The following PDE11A variants were observed in gnomAD, a reference collection of about 807,000 sequenced individuals.
PDE11A encodes phosphodiesterase 11A.
In PDE11A, 100 loss-of-function variants were observed where a neutral mutation model predicts 100.5. The observed-to-expected ratio is 1.00, with a 90% CI of 0.85 to 1.18. PDE11A has a LOEUF of 1.18. Ranked by LOEUF, PDE11A falls within the 50% of genes most tolerant of loss-of-function variation. PDE11A has a pLI of 0.00. For missense variants in PDE11A, 1,141 were observed against 1,152.6 expected, an observed-to-expected ratio of 0.99 and a Z score of 0.15; for synonymous variants, 381 against 420.8, an observed-to-expected ratio of 0.91 and a Z score of 1.16.
chr2:178,070,894 T>G (rs2087118130), intron 1 of PDE11A, among the ~76,000 whole-genome samples: 1 of 152,334 alleles, frequency 6.6e-6, no homozygotes, highest in South Asian at 2.1e-4. Context: ...CTGTCCAATC[T>G]TTCTAATCTT....
intron 10 of PDE11A, among the ~76,000 whole-genome samples, chr2:177,765,417 C>T (rs185323158): frequency 6.6e-6 from 1 of 152,298 alleles, no homozygotes; most frequent in Non-Finnish European, 1.5e-5. Context: ...TCACATTCTC[C>T]AATAGTACAG....
At chr2:177,864,586 A>G (rs1281785520) in intron 5 of PDE11A, among the ~76,000 whole-genome samples, 1 of 152,200 alleles carries the variant, frequency 6.6e-6, no homozygotes, top group Non-Finnish European at 1.5e-5. Flanking sequence ...AGTTTCAAAG[A>G]AAATAAAATT....
intron 5 of PDE11A, among the ~76,000 whole-genome samples, chr2:177,853,676 A>G (rs1217995691): frequency 2.9e-3 from 105 of 36,108 alleles, no homozygotes; most frequent in African/African-American, 5.1e-3. Flanking sequence ...ATATATATAT[A>G]TATATGTGTG....
chr2:177,706,080 G>A (rs1267017080), intron 13 of PDE11A, among the ~76,000 whole-genome samples: 2 of 152,114 alleles, frequency 1.3e-5, no homozygotes, highest in Non-Finnish European at 2.9e-5. Context: ...TTCATTGTAT[G>A]CACTCCAATA....
intron 9 of PDE11A, among the ~76,000 whole-genome samples, chr2:177,770,234 A>G (rs2082293754): frequency 6.6e-6 from 1 of 152,230 alleles, no homozygotes; most frequent in Non-Finnish European, 1.5e-5. Context: ...AACAGCAATC[A>G]CATAGTTCTG....
At chr2:178,052,909 A>C (rs977854528) in intron 1 of PDE11A, among the ~76,000 whole-genome samples, 1 of 152,214 alleles carries the variant, frequency 6.6e-6, no homozygotes, top group Non-Finnish European at 1.5e-5. Context: ...GACCAGACGG[A>C]TTCACAGCCA....
intron 10 of PDE11A, among the ~76,000 whole-genome samples, chr2:177,745,272 T>C (rs2081933097): frequency 6.6e-6 from 1 of 152,178 alleles, no homozygotes; most frequent in African/African-American, 2.4e-5. Flanking sequence ...AGTTAGCATT[T>C]TGGGTATAAA....
At chr2:177,875,954 C>T in intron 4 of PDE11A, 31 bp from the exon 5 acceptor site, 2 of 1,327,816 alleles carry the variant, frequency 1.5e-6, no homozygotes, top group East Asian at 4.6e-5. Flanking sequence ...AAATCCAGGT[C>T]AATTAAAGCT....
chr2:177,839,240 TTG>T (rs2083449687), intron 6 of PDE11A, among the ~76,000 whole-genome samples: 3 of 152,152 alleles, frequency 2.0e-5, no homozygotes, highest in African/African-American at 7.2e-5. Context: ...GCTGTGGAGT[TTG>T]AGAGGTAGTA....
intron 2 of PDE11A, among the ~76,000 whole-genome samples, chr2:178,102,831 T>C (rs779647439): frequency 3.9e-5 from 6 of 152,162 alleles, no homozygotes; most frequent in Non-Finnish European, 5.9e-5. Flanking sequence ...TGAGTTTGTC[T>C]GGAAATAGAG....
intron 1 of PDE11A, among the ~76,000 whole-genome samples, chr2:178,032,013 TA>T (rs775350194): frequency 4.4e-4 from 67 of 152,070 alleles, no homozygotes; most frequent in Non-Finnish European, 7.9e-4. Context: ...GAGAGCCTAG[TA>T]AAAAACCCAT....
chr2:177,845,428 C>T (rs1040234766), intron 5 of PDE11A, among the ~76,000 whole-genome samples: 13 of 144,064 alleles, frequency 9.0e-5, no homozygotes, highest in South Asian at 2.3e-4. Context: ...ACATCTCAGA[C>T]GATGGGCGGC....
intron 6 of PDE11A, among the ~76,000 whole-genome samples, chr2:177,834,950 T>C (rs2083369825): frequency 6.6e-6 from 1 of 152,110 alleles, no homozygotes; most frequent in Non-Finnish European, 1.5e-5. Context: ...TCCTCAGCTT[T>C]ACCTTAGCAT....
intron 19 of PDE11A, among the ~76,000 whole-genome samples, chr2:177,631,607 ATATATATACATATATGTGTGTG>A (rs1366844507): frequency 4.2e-5 from 5 of 119,138 alleles, no homozygotes; most frequent in Middle Eastern, 3.9e-3. Context: ...ATATGTGTGT[ATATATATACATATATGTGTGTG>A]TATATATATA....
intron 4 of PDE11A, among the ~76,000 whole-genome samples, chr2:177,884,777 G>A (rs914235496): frequency 1.3e-5 from 2 of 152,198 alleles, no homozygotes; most frequent in Admixed American, 6.5e-5. Flanking sequence ...GGAGAAAAAT[G>A]TCCTAGTGAG....
chr2:177,713,980 CTTTTTTCTTTTTTTTTTTTTTTTT>C (rs1361194319), intron 12 of PDE11A, among the ~76,000 whole-genome samples: 1 of 77,842 alleles, frequency 1.3e-5, no homozygotes, highest in Non-Finnish European at 2.8e-5. Flanking sequence ...TATTTCTTTT[CTTTTTTCTTTTTTTTTTTTTTTTT>C]TTTTTTTGAG....
At chr2:177,880,147 A>G (rs1056878327) in intron 4 of PDE11A, among the ~76,000 whole-genome samples, 4 of 152,174 alleles carry the variant, frequency 2.6e-5, no homozygotes, top group Non-Finnish European at 5.9e-5. Context: ...CCCTAAAGAG[A>G]GGTCTGGCCT....
chr2:177,948,651 C>T (rs1278863617), intron 2 of PDE11A, among the ~76,000 whole-genome samples: 2 of 152,162 alleles, frequency 1.3e-5, no homozygotes, highest in African/African-American at 2.4e-5. Flanking sequence ...TGCCTATAAT[C>T]TCAACACTTT....
At chr2:177,749,110 T>C (rs1490820715) in intron 10 of PDE11A, among the ~76,000 whole-genome samples, 1 of 152,240 alleles carries the variant, frequency 6.6e-6, no homozygotes, top group African/African-American at 2.4e-5. Context: ...CAAGGATGGA[T>C]AGGCCAGGCT....
Sources: allele counts gnomAD v4.1 joint callset (sites outside exome capture counted in the v4.1 genomes callset), GRCh38; gene constraint gnomAD v4.1.1; transcripts MANE v1.5; gene names NCBI Gene and HGNC (gene_info 2026-07-23, HGNC 2026-07-21).